CTBP2: variants seen among roughly 807,000 people sequenced by gnomAD.
CTBP2 encodes the protein C-terminal-binding protein 2.
CTBP2 carries 30 observed loss-of-function variants against 80.3 expected under a neutral mutation model. The ratio of observed to expected loss-of-function variants is 0.37; its 90% confidence interval spans 0.28 to 0.51. The LOEUF is 0.51. CTBP2 is among the 20% of genes least tolerant of loss of function. CTBP2 has a pLI of 0.93. For synonymous variants in CTBP2, 594 were observed against 587.4 expected (o/e 1.01, Z -0.16); for missense variants, 1,212 against 1,375.3 (o/e 0.88, Z 1.88).
At chr10:125,057,132 A>G (rs1964092941) in intron 2 of CTBP2, among the ~76,000 whole-genome samples, 1 of 152,212 alleles carries the variant, frequency 6.6e-6, no homozygotes, top group Non-Finnish European at 1.5e-5. Context: ...TTATTCCCAG[A>G]GAGGCACCCA....
chr10:125,126,982 C>T (rs1417002481), intron 1 of CTBP2, among the ~76,000 whole-genome samples: 1 of 152,102 alleles, frequency 6.6e-6, no homozygotes, highest in Non-Finnish European at 1.5e-5. Flanking sequence ...ACTGCATCAA[C>T]TGTGAACAAG....
In CTBP2 at chr10:124,984,458, T is replaced by C. The variant is rs879579043; in HGVS notation, c.*5060A>G. The stretch of plus-strand genomic sequence containing the variant: ...TAATTGACTAAGTAAACTTACCTTG[T>C]CATGTGTTTGAAGCTGTGGCTTGCC... On this transcript the variant is annotated 3_prime_UTR_variant, in exon 9 of 9. Transcript: ENST00000309035. 3.0e-4 allele frequency: 82 copies of C among 275,828 alleles called. No homozygotes were observed. The Admixed American group carries it at 3.9e-3, about 13-fold the overall frequency. The allele number at this position is 275,828 out of a possible 1,614,324, so 17.1% of individuals were successfully genotyped here.
intron 2 of CTBP2, among the ~76,000 whole-genome samples, chr10:125,098,708 C>CAGAGAGAG (rs1850045599): frequency 1.7e-4 from 11 of 65,730 alleles, no homozygotes; most frequent in Non-Finnish European, 2.6e-4. Flanking sequence ...GAGAGAGAGA[C>CAGAGAGAG]AGAGAGAGAG....
At chr10:125,044,751 G>T (rs1960798629) in intron 2 of CTBP2, among the ~76,000 whole-genome samples, 1 of 152,166 alleles carries the variant, frequency 6.6e-6, no homozygotes, top group Admixed American at 6.5e-5. Context: ...GGGCCACCCA[G>T]TGAGAGCCTG....
At chr10:124,999,971 ACCT>A (rs1328630418) in intron 3 of CTBP2, 1 of 152,098 alleles carries the variant, frequency 6.6e-6, no homozygotes, top group African/African-American at 2.4e-5. Context: ...CAACAGCAGC[ACCT>A]CCTCCTAGGA....
At chr10:125,057,027 G>A (rs989725480) in intron 2 of CTBP2, among the ~76,000 whole-genome samples, 3 of 152,228 alleles carry the variant, frequency 2.0e-5, no homozygotes, top group African/African-American at 7.2e-5. Flanking sequence ...CCCAGCCGGG[G>A]AAGCATGCCT....
rs561255159 is a variant in CTBP2, at chr10:125,013,478, C to A, written c.1679-9986G>T. 1.3e-3 allele frequency among the ~76,000 whole-genome samples: 191 copies of A among 152,302 alleles called. 1 individual carries two copies. Among genetic ancestry groups the A allele is most frequent in the African/African-American group, 4.5e-3 (186 of 41,568 alleles). The stretch of plus-strand genomic sequence containing the variant: ...CAATACTTTATTGCAGCAATAAAAT[C>A]ACCTATGCACCAAGAACCCAAACAC... On this transcript the variant is annotated intron_variant, in intron 1 of 8. Coordinates refer to ENST00000309035, the MANE Select transcript of CTBP2 (RefSeq NM_022802.3).
chr10:125,070,676 T>C (rs940582386), intron 2 of CTBP2, among the ~76,000 whole-genome samples: 11 of 152,066 alleles, frequency 7.2e-5, no homozygotes, highest in African/African-American at 2.7e-4. Context: ...AAATTTTTTC[T>C]ATTTTTTGAG....
upstream of CTBP2, among the ~76,000 whole-genome samples, chr10:125,032,617 C>A (rs561600568): frequency 6.6e-6 from 1 of 152,296 alleles, no homozygotes; most frequent in Non-Finnish European, 1.5e-5. Context: ...GCCGCTTAGC[C>A]CCTGACCTGC....
At chr10:125,005,802 G>C in intron 1 of CTBP2, 1 of 1,611,472 alleles carries the variant, frequency 6.2e-7, no homozygotes, top group South Asian at 1.1e-5. Context: ...GGAAGTCCTG[G>C]TCTCATGCCC....
chr10:125,159,471 G>A (rs959586518), intron 1 of CTBP2, among the ~76,000 whole-genome samples: 2 of 146,414 alleles, frequency 1.4e-5, no homozygotes, highest in Non-Finnish European at 3.0e-5. Context: ...CGCGACTTTG[G>A]CGGGCCGAGC....
rs1191803802 is a variant in CTBP2 at position 125,063,705 on chromosome 10, T to C, written c.-101-24550A>G. 2.0e-5 allele frequency among the ~76,000 whole-genome samples: 3 copies of C among 152,208 alleles called. No homozygotes were observed. The East Asian group carries it at 5.8e-4, about 29-fold the overall frequency. On this transcript the variant is annotated intron_variant, in intron 2 of 10. Coordinates refer to the CTBP2 transcript ENST00000337195. Reference sequence around the variant, plus strand: ...CTACATCACCTGAGTTATTGCTGTGTTTTCTCTCAGTGACAGCTTTACGGG... The same window carrying C: ...CTACATCACCTGAGTTATTGCTGTGCTTTCTCTCAGTGACAGCTTTACGGG...
intron 1 of CTBP2, chr10:125,159,711 C>G (rs1270856304): frequency 6.7e-6 from 1 of 148,370 alleles, no homozygotes; most frequent in African/African-American, 2.4e-5. Context: ...CTTCTCCGCG[C>G]CCCCCCCACC....
chr10:125,135,179 T>C (rs1856803776), intron 1 of CTBP2, among the ~76,000 whole-genome samples: 1 of 152,106 alleles, frequency 6.6e-6, no homozygotes, highest in East Asian at 1.9e-4. Context: ...TCTCCCTGAC[T>C]CTGCCTTCTA....
chr10:125,111,016 T>G (rs922953786), exon 2 of CTBP2: 1 of 152,664 alleles, frequency 6.6e-6, no homozygotes, highest in Non-Finnish European at 1.5e-5. Flanking sequence ...ACAAACTCTA[T>G]AGTTCACACG....
At chr10:125,083,695 G>A (rs1304307316) in intron 2 of CTBP2, among the ~76,000 whole-genome samples, 1 of 152,146 alleles carries the variant, frequency 6.6e-6, no homozygotes, top group African/African-American at 2.4e-5. Flanking sequence ...GTGCAGTCTT[G>A]ACCTCCTGGA....
At chr10:125,034,368 T>C (rs907446686) in intron 3 of CTBP2, among the ~76,000 whole-genome samples, 20 of 152,234 alleles carry the variant, frequency 1.3e-4, no homozygotes, top group African/African-American at 4.6e-4. Context: ...CTGTGAAGCT[T>C]TGCCTTGGCT....
rs1214957515 is a variant in CTBP2, at chr10:125,066,897, C to T, written c.-101-27742G>A. Among the ~76,000 whole-genome samples, 1 of 152,164 alleles carries T rather than the reference C, an allele frequency of 6.6e-6. No homozygotes were observed. Among genetic ancestry groups the T allele is most frequent in the Non-Finnish European group, 1.5e-5 (1 of 68,022 alleles). On this transcript the variant is annotated intron_variant, in intron 2 of 10. Coordinates refer to the CTBP2 transcript ENST00000337195. This position sits in a 1 kb window ranked among gnomAD's most constrained non-coding sequence, Gnocchi z 4.1. The stretch of plus-strand genomic sequence containing the variant: ...TGCGACGTGCCTCTTCCTATCTCCC[C>T]TGGGCAGTCTTCCCAGCTCCATGGA...
In CTBP2 at chr10:125,026,657, C is replaced by A. The variant is rs545888355; in HGVS notation, c.1103G>T (p.Arg368Leu). 3 of 1,594,956 alleles carry A rather than the reference C, an allele frequency of 1.9e-6. No homozygotes were observed. In the East Asian group the frequency reaches 6.9e-5, roughly 37 times the overall value. Residue 368 changes from arginine to leucine, a missense_variant, in exon 1 of 9, where the codon CGG becomes CTG. Coordinates refer to ENST00000309035, the MANE Select transcript of CTBP2 (RefSeq NM_022802.3). ...GCTTCGGTGGCTGAAGCTGCTGGAC[C>A]GCGCCCGGGGCAGCGGGCCCCCCCG...
Sources: allele counts gnomAD v4.1 joint callset (sites outside exome capture counted in the v4.1 genomes callset), GRCh38; gene constraint gnomAD v4.1.1; non-coding constraint Gnocchi (gnomAD v3.1); transcripts MANE v1.5; gene names NCBI Gene and HGNC (gene_info 2026-07-23, HGNC 2026-07-21).